The following XKR4 variants were observed in gnomAD, a reference collection of about 807,000 sequenced individuals.
XKR4 encodes XK-related protein 4.
A neutral mutation model predicts 53.9 loss-of-function variants in XKR4; 12 were observed. That is an observed-to-expected ratio of 0.22 (90% CI 0.14 to 0.36). XKR4 has a LOEUF of 0.36. XKR4 is among the 10% of genes least tolerant of loss of function. The pLI is 1.00. For missense variants in XKR4, 799 were observed against 859.5 expected (o/e 0.93, Z 0.88); for synonymous variants, 354 against 362.4 (o/e 0.98, Z 0.26).
intron 1 of XKR4, among the ~76,000 whole-genome samples, chr8:55,138,386 G>A (rs1258506375): frequency 6.6e-6 from 1 of 152,178 alleles, no homozygotes; most frequent in Non-Finnish European, 1.5e-5. Flanking sequence ...GAAAGAGAGA[G>A]GAGCTGGGCA....
intron 2 of XKR4, among the ~76,000 whole-genome samples, chr8:55,489,486 T>G (rs560067876): frequency 2.0e-5 from 3 of 152,238 alleles, no homozygotes; most frequent in South Asian, 4.1e-4. Flanking sequence ...CGTGGAGAGA[T>G]AAGTTTGGAA....
At chr8:55,144,390 TATA>T (rs1816744171) in intron 1 of XKR4, among the ~76,000 whole-genome samples, 1 of 152,024 alleles carries the variant, frequency 6.6e-6, no homozygotes, top group African/African-American at 2.4e-5. Context: ...AAAAAAATTC[TATA>T]ATAAGAAAGC....
chr8:55,304,969 TGAA>T (rs1476350774), intron 1 of XKR4, among the ~76,000 whole-genome samples: 1 of 152,106 alleles, frequency 6.6e-6, no homozygotes, highest in Non-Finnish European at 1.5e-5. Flanking sequence ...ATTAAACACT[TGAA>T]GAAAATAACT....
At chr8:55,357,942 C>G in intron 2 of XKR4, 65 bp downstream of exon 2, 1 of 1,509,778 alleles carries the variant, frequency 6.6e-7, no homozygotes, top group Non-Finnish European at 9.0e-7. Flanking sequence ...TGTCACAATC[C>G]GAGGAACTGT....
intron 1 of XKR4, among the ~76,000 whole-genome samples, chr8:55,178,195 A>G (rs1817258153): frequency 6.6e-6 from 1 of 152,242 alleles, no homozygotes; most frequent in African/African-American, 2.4e-5. Context: ...AGAGAATGTT[A>G]TTCCTTACAC....
chr8:55,482,579 A>C (rs1806127484), intron 2 of XKR4, among the ~76,000 whole-genome samples: 1 of 151,936 alleles, frequency 6.6e-6, no homozygotes, highest in East Asian at 1.9e-4. Context: ...AAATAAATAA[A>C]CACAACTGCA....
intron 2 of XKR4, among the ~76,000 whole-genome samples, chr8:55,411,680 T>C (rs1804780464): frequency 6.6e-6 from 1 of 152,092 alleles, no homozygotes; most frequent in African/African-American, 2.4e-5. Flanking sequence ...AGCATTCTCC[T>C]CCCCTCCCCT....
At position 55,540,515 on chromosome 8, in the gene XKR4, G is replaced by C. The variant is rs1024085827; in HGVS notation, c.*16288G>C. The C allele has an allele frequency of 2.0e-5, 3 of 152,196 alleles. No homozygotes were observed. Among genetic ancestry groups the C allele is most frequent in the Non-Finnish European group, 2.9e-5 (2 of 68,024 alleles). The allele number at this position is 152,196 out of a possible 1,614,324, so 9.4% of individuals were successfully genotyped here. A position where few individuals can be genotyped will look rare whatever the true frequency, so the allele number is the denominator to read the frequency against. On this transcript the variant is annotated 3_prime_UTR_variant, in exon 3 of 3. Transcript: ENST00000327381. ...AAAGAGACCATAGCTATTCTTGGAT[G>C]AGAACCTTGCCTCTACTAAATAGTT...
intron 1 of XKR4, among the ~76,000 whole-genome samples, chr8:55,333,322 G>A (rs903687658): frequency 6.6e-6 from 1 of 151,968 alleles, no homozygotes; most frequent in Non-Finnish European, 1.5e-5. Flanking sequence ...TGAAAATTGG[G>A]CATTTGAACA....
At chr8:55,326,842 A>T (rs1286903877) in intron 1 of XKR4, among the ~76,000 whole-genome samples, 1 of 151,624 alleles carries the variant, frequency 6.6e-6, no homozygotes, top group Admixed American at 6.6e-5. Context: ...ATTATATTTG[A>T]GTTTTTATGC....
rs80291479 is a variant in XKR4, at chr8:55,259,367, A to G, written c.807-98311A>G. Among the ~76,000 whole-genome samples, 710 of 152,356 alleles carry G rather than the reference A, an allele frequency of 4.7e-3. 6 individuals are homozygous for G. The highest frequency in any genetic ancestry group is 0.016 in the African/African-American group (661 of 41,588). ...GACTTAATATCGGGCATTAACAAACATGATAGGAATGGCAGCTACTAGTGC... is the reference window on the plus strand; with the variant it reads ...GACTTAATATCGGGCATTAACAAACGTGATAGGAATGGCAGCTACTAGTGC... On this transcript the variant is annotated intron_variant, in intron 1 of 2. Transcript: ENST00000327381.
intron 2 of XKR4, among the ~76,000 whole-genome samples, chr8:55,397,997 C>T (rs985534959): frequency 6.6e-6 from 1 of 152,170 alleles, no homozygotes; most frequent in Admixed American, 6.6e-5. Flanking sequence ...ATCAGCCCAA[C>T]CCAAACTGTC....
chr8:55,113,068 ATCC>A (rs1816255041), intron 1 of XKR4, among the ~76,000 whole-genome samples: 1 of 152,078 alleles, frequency 6.6e-6, no homozygotes, highest in African/African-American at 2.4e-5. Flanking sequence ...TCCTTACCTC[ATCC>A]TAAGGAAAGC....
chr8:55,341,005 T>G (rs1803536727), intron 1 of XKR4, among the ~76,000 whole-genome samples: 1 of 152,170 alleles, frequency 6.6e-6, no homozygotes, highest in Non-Finnish European at 1.5e-5. Context: ...TCTGGGGTGT[T>G]TGAGCATGGA....
chr8:55,204,985 G>A (rs1200611085), intron 1 of XKR4, among the ~76,000 whole-genome samples: 4 of 152,200 alleles, frequency 2.6e-5, no homozygotes, highest in Non-Finnish European at 5.9e-5. Context: ...CACTGACTCA[G>A]ATCATGTGTC....
chr8:55,357,780 T>C lies in XKR4; in HGVS notation c.909T>C (p.Ser303=), dbSNP rs1335074703. 5.0e-6 allele frequency: 8 copies of C among 1,614,142 alleles called. No homozygotes were observed. The highest frequency in any genetic ancestry group is 2.2e-5 in the East Asian group (1 of 44,880). Residue 303 remains serine, a synonymous_variant, in exon 2 of 3, where the codon AGT becomes AGC. Coordinates refer to ENST00000327381, the MANE Select transcript of XKR4 (RefSeq NM_052898.2). ...WKMVYEYADV[S]MLHLLATFLE... is the part of the protein sequence containing the mutation. ...TGGTATATGAGTATGCGGATGTGAG[T>C]ATGCTGCATTTGCTAGCCACCTTTC...
At chr8:55,198,194 C>T (rs748659606) in intron 1 of XKR4, among the ~76,000 whole-genome samples, 5 of 152,146 alleles carry the variant, frequency 3.3e-5, no homozygotes, top group African/African-American at 7.2e-5. Context: ...GTTGGGTCTC[C>T]GTGGCCTGAG....
At chr8:55,321,440 A>C (rs1803210638) in intron 1 of XKR4, among the ~76,000 whole-genome samples, 1 of 152,132 alleles carries the variant, frequency 6.6e-6, no homozygotes. Context: ...CTACTTCATC[A>C]AAACAAAGCT....
intron 1 of XKR4, among the ~76,000 whole-genome samples, chr8:55,137,485 T>G (rs924208099): frequency 6.6e-6 from 1 of 151,702 alleles, no homozygotes; most frequent in African/African-American, 2.4e-5. Flanking sequence ...GAAAGGAAAA[T>G]ATAAAAATAT....
Sources: allele counts gnomAD v4.1 joint callset (sites outside exome capture counted in the v4.1 genomes callset), GRCh38; gene constraint gnomAD v4.1.1; transcripts MANE v1.5; gene names NCBI Gene and HGNC (gene_info 2026-07-23, HGNC 2026-07-21).